The following BDP1 variants were observed in gnomAD, a reference collection of about 807,000 sequenced individuals.
The protein encoded by BDP1 is transcription factor TFIIIB component B'' homolog.
BDP1 carries 169 observed loss-of-function variants against 266.6 expected under a neutral mutation model. That is an observed-to-expected ratio of 0.63 (90% CI 0.56 to 0.72). The LOEUF is 0.72. Ranked by LOEUF, BDP1 falls within the 30% of genes least tolerant of loss-of-function variation. BDP1 has a pLI of 0.00. For synonymous variants in BDP1, 1,090 were observed against 1,022.4 expected, an observed-to-expected ratio of 1.07 and a Z score of -1.26; for missense variants, 3,015 against 3,053.8, an observed-to-expected ratio of 0.99 and a Z score of 0.30.
chr5:71,477,331 T>C (rs951971615), intron 7 of BDP1, among the ~76,000 whole-genome samples: 26 of 152,054 alleles, frequency 1.7e-4, no homozygotes, highest in African/African-American at 5.8e-4. Flanking sequence ...TTATTTTTTG[T>C]AGAGAAGAGG....
At position 71,459,470 on chromosome 5, in the gene BDP1, C is replaced by T. The variant is rs796435394; in HGVS notation, c.489+615C>T. Among the ~76,000 whole-genome samples the T allele has an allele frequency of 4.5e-4, 69 of 152,242 alleles. 1 individual carries two copies. Among genetic ancestry groups the T allele is most frequent in the African/African-American group, 1.6e-3 (68 of 41,526 alleles). The stretch of plus-strand genomic sequence containing the variant: ...GAAGTTGCAGTGAGCCGAGATTGTG[C>T]CTCTGCATTCCAGCCTGGGTGATAG... On this transcript the variant is annotated intron_variant, in intron 2 of 38. Transcript: ENST00000358731.
chr5:71,509,910 C>T lies in BDP1; in HGVS notation c.2818C>T (p.Gln940Ter). 6.2e-7 allele frequency: 1 copy of T among 1,612,476 alleles called. No homozygotes were observed. Among genetic ancestry groups the T allele is most frequent in the Non-Finnish European group, 8.5e-7 (1 of 1,179,658 alleles). ...EEAGRREISP[Q>*]KNGPEEVKPL... is the part of the protein sequence containing the mutation. The stretch of plus-strand genomic sequence containing the variant: ...AGCTGGAAGAAGAGAAATATCCCCA[C>T]AGAAAAATGGCCCAGAGGAGGTTAA... The change falls in exon 17 of 39, where the codon CAG (glutamine) becomes TAG (stop). Residue 940 changes from glutamine (Q) to a stop codon, truncating the protein, a stop_gained. Coordinates refer to ENST00000358731, the MANE Select transcript of BDP1 (RefSeq NM_018429.3). LOFTEE classifies it high-confidence loss of function.
At position 71,539,686 on chromosome 5, in the gene BDP1, CTT is replaced by C. The variant is rs772056738; in HGVS notation, c.6022+40_6022+41del. The C allele has an allele frequency of 5.7e-6, 8 of 1,403,864 alleles. No homozygotes were observed. In the African/African-American group the frequency reaches 1.2e-4, roughly 20 times the overall value. 87.0% of individuals were successfully genotyped at this position (1,403,864 alleles called of 1,614,324 possible). A position where few individuals can be genotyped will look rare whatever the true frequency, so the allele number is the denominator to read the frequency against. Reference sequence around the variant, plus strand: ...AGCTAAGTCCTATCAAAAATAGAAACTTTTAAAACCTAACTTAAGAAATTATA... The same window carrying C: ...AGCTAAGTCCTATCAAAAATAGAAACTTAAAACCTAACTTAAGAAATTATA... On this transcript the variant is annotated intron_variant, in intron 28 of 38. Coordinates refer to ENST00000358731, the MANE Select transcript of BDP1 (RefSeq NM_018429.3).
intron 35 of BDP1, among the ~76,000 whole-genome samples, chr5:71,555,154 C>T (rs1460766644): frequency 6.6e-6 from 1 of 152,036 alleles, no homozygotes; most frequent in Non-Finnish European, 1.5e-5. Flanking sequence ...ATTGAAAGTC[C>T]TTTGAGACTT....
rs2112085885 is a variant in BDP1, at chr5:71,560,016, C to T, written c.7275C>T (p.Thr2425=). The T allele has an allele frequency of 6.2e-7, 1 of 1,613,718 alleles. No individual in the cohort carries two copies. The highest frequency in any genetic ancestry group is 8.5e-7 in the Non-Finnish European group (1 of 1,179,980). Residue 2425 remains threonine, a synonymous_variant, in exon 37 of 39, where the codon ACC becomes ACT. Coordinates refer to ENST00000358731, the MANE Select transcript of BDP1 (RefSeq NM_018429.3). ...ACAAGGGACAAGATATTTTTCTTACCTCAGGAAGCACACTGACAACTCCAG... is the reference window on the plus strand; with the variant it reads ...ACAAGGGACAAGATATTTTTCTTACTTCAGGAAGCACACTGACAACTCCAG... ...ESHKGQDIFL[T]SGSTLTTPEP...
downstream of BDP1, among the ~76,000 whole-genome samples, chr5:71,572,688 G>T (rs1744307933): frequency 6.6e-6 from 1 of 152,172 alleles, no homozygotes; most frequent in East Asian, 1.9e-4. Flanking sequence ...GCTACAGGAG[G>T]TTATTACGCA....
intron 3 of BDP1, 30 bp downstream of exon 3, chr5:71,461,956 C>CTG: frequency 1.4e-6 from 1 of 725,330 alleles, no homozygotes. Context: ...GCTTTACTAT[C>CTG]TCTTTTTTTT....
chr5:71,563,638 T>C (rs1743832640), intron 38 of BDP1, among the ~76,000 whole-genome samples: 1 of 152,012 alleles, frequency 6.6e-6, no homozygotes, highest in South Asian at 2.1e-4. Flanking sequence ...CCCAGCTGGG[T>C]GCGGTGGCTC....
intron 34 of BDP1, among the ~76,000 whole-genome samples, chr5:71,551,963 ACCTC>A (rs1214952962): frequency 8.6e-6 from 1 of 116,298 alleles, no homozygotes; most frequent in Non-Finnish European, 1.8e-5. Flanking sequence ...TGACCCCCCC[ACCTC>A]CCTCCCGGAC....
chr5:71,564,830 C>T lies in BDP1; in HGVS notation c.7820C>T (p.Thr2607Ile). ...CGGGCCCCTCAAGGGGAGGCAACCA[C>T]AGTCTCTGAATATTTCTTCAATGAT... is the stretch of plus-strand genomic sequence containing the variant. ...QKRAPQGEATTVSEYFFNDIF... is the reference protein window; with the variant it reads ...QKRAPQGEATIVSEYFFNDIF... Residue 2607 changes from threonine (T) to isoleucine (I), a missense_variant, in exon 39 of 39, where the codon ACA becomes ATA. Physicochemically the swap from Thr to Ile is moderately conservative, Grantham distance 89. Around this residue, in one of 3 missense-constraint regions of BDP1, gnomAD observed 629 missense variants for 632.5 expected, o/e 0.99. Coordinates refer to ENST00000358731, the MANE Select transcript of BDP1 (RefSeq NM_018429.3). 6.2e-7 allele frequency: 1 copy of T among 1,611,438 alleles called. No homozygotes were observed. Among genetic ancestry groups the T allele is most frequent in the African/African-American group, 1.3e-5 (1 of 74,934 alleles).
chr5:71,525,592 AC>A (rs1338466068), intron 25 of BDP1, among the ~76,000 whole-genome samples: 10 of 55,504 alleles, frequency 1.8e-4, no homozygotes, highest in Non-Finnish European at 3.4e-4. Flanking sequence ...CGGGGGGCTG[AC>A]CCCCCAACCT....
Position 71,565,074 on chromosome 5 carries a change from G to T in BDP1, c.*189G>T, listed in dbSNP as rs1743945704. The T allele has an allele frequency of 9.0e-6, 5 of 555,358 alleles. No homozygotes were observed. Among genetic ancestry groups the T allele is most frequent in the South Asian group, 5.9e-5 (2 of 33,868 alleles). The allele number at this position is 555,358 out of a possible 1,614,324, so 34.4% of individuals were successfully genotyped here. On this transcript the variant is annotated 3_prime_UTR_variant, in exon 39 of 39. Coordinates refer to ENST00000358731, the MANE Select transcript of BDP1 (RefSeq NM_018429.3). ...ACATTTCTGAGGTTCCTTTCATTCT[G>T]ACTGATTCAGCATTTTGCAAATAGC... is the stretch of plus-strand genomic sequence containing the variant.
intron 38 of BDP1, among the ~76,000 whole-genome samples, chr5:71,564,543 C>T (rs1743905896): frequency 6.6e-6 from 1 of 151,786 alleles, no homozygotes; most frequent in African/African-American, 2.4e-5. Flanking sequence ...TCATAAAACT[C>T]CTACTATGTT....
At position 71,495,264 on chromosome 5, in the gene BDP1, C is replaced by G. The variant is rs1382373385; in HGVS notation, c.1655C>G (p.Ala552Gly). The G allele has an allele frequency of 1.5e-5, 24 of 1,561,592 alleles. No homozygotes were observed. Among genetic ancestry groups the G allele is most frequent in the Non-Finnish European group, 2.1e-5 (24 of 1,153,710 alleles). Reference protein sequence around the residue: ...PILSLSNQQDATSVATESSES... With the variant: ...PILSLSNQQDGTSVATESSES... ...CTTTTTTTTAGTAATCAACAAGATG[C>G]CACATCAGTAGCAACTGAGTCTTCA... Residue 552 changes from alanine (A) to glycine (G), a missense_variant, in exon 12 of 39, where the codon GCC (alanine) becomes GGC (glycine). Ala to Gly is a moderately conservative substitution (Grantham distance 60). Transcript: ENST00000358731.
intron 32 of BDP1, 161 bp downstream of exon 32, chr5:71,545,380 A>G: frequency 1.4e-6 from 1 of 713,668 alleles, no homozygotes; most frequent in Non-Finnish European, 2.3e-6. Flanking sequence ...TGCCCAGGCA[A>G]GAGTGCAGTG....
intron 4 of BDP1, among the ~76,000 whole-genome samples, chr5:71,464,949 C>T (rs1464098746): frequency 6.6e-6 from 1 of 151,638 alleles, no homozygotes; most frequent in Non-Finnish European, 1.5e-5. Flanking sequence ...CATCTCTTGA[C>T]CTCGTGATCG....
rs974717572 is a variant in BDP1, at chr5:71,532,416, A to T, written c.5881A>T (p.Ser1961Cys). Reference sequence around the variant, plus strand: ...AGAAATGAAACAAGAAGAAAATTTGAGTGTACCGTTTGTAAGCATCCATTT... The same window carrying T: ...AGAAATGAAACAAGAAGAAAATTTGTGTGTACCGTTTGTAAGCATCCATTT... ...TEEMKQEENL[S>C]VPFEMTTSEH... The change falls in exon 26 of 39, where the codon AGT becomes TGT. Residue 1961 changes from serine (S) to cysteine (C), a missense_variant. Coordinates refer to ENST00000358731, the MANE Select transcript of BDP1 (RefSeq NM_018429.3). 5 of 1,613,448 alleles carry T rather than the reference A, an allele frequency of 3.1e-6. No homozygotes were observed. Among genetic ancestry groups the T allele is most frequent in the Middle Eastern group, 3.3e-4 (2 of 6,012 alleles).
At chr5:71,512,983 G>T (rs1162365415) in intron 18 of BDP1, among the ~76,000 whole-genome samples, 2 of 148,572 alleles carry the variant, frequency 1.3e-5, no homozygotes, top group African/African-American at 5.0e-5. Context: ...GATCACTTGA[G>T]CCCGCGGAGG....
At chr5:71,526,635 AAG>A (rs1765901327) in intron 25 of BDP1, among the ~76,000 whole-genome samples, 2 of 149,658 alleles carry the variant, frequency 1.3e-5, no homozygotes, top group Admixed American at 6.6e-5. Context: ...AAAAAAAAAA[AAG>A]AAGAGTGCTA....
Sources: allele counts gnomAD v4.1 joint callset (sites outside exome capture counted in the v4.1 genomes callset), GRCh38; gene constraint gnomAD v4.1.1; regional missense constraint gnomAD v4.1.1; transcripts MANE v1.5; gene names NCBI Gene and HGNC (gene_info 2026-07-23, HGNC 2026-07-21).